Variants in SAMD5 observed in about 807,000 individuals in gnomAD.
SAMD5 encodes the protein sterile alpha motif domain-containing protein 5.
A neutral mutation model predicts 11.3 loss-of-function variants in SAMD5; 13 were observed. That is an observed-to-expected ratio of 1.15 (90% CI 0.75 to 1.83). The LOEUF is 1.83. Among genes scored for constraint, SAMD5 ranks in the 40% most tolerant of loss-of-function variants. SAMD5 has a pLI of 0.00. For synonymous variants in SAMD5, 129 were observed against 111.3 expected (o/e 1.16, Z -1.00); for missense variants, 255 against 239.1 (o/e 1.07, Z -0.44).
intron 1 of SAMD5, among the ~76,000 whole-genome samples, chr6:147,641,373 C>A (rs1273584078): frequency 2.0e-5 from 3 of 152,108 alleles, no homozygotes; most frequent in Non-Finnish European, 4.4e-5. Context: ...AGTCAAAGGA[C>A]CCTCATCACA....
At chr6:147,607,365 G>A (rs1320981815) in intron 1 of SAMD5, among the ~76,000 whole-genome samples, 1 of 151,880 alleles carries the variant, frequency 6.6e-6, no homozygotes, top group African/African-American at 2.4e-5. Context: ...AAAGACCTAG[G>A]ACCAAAGCTA....
the SAMD5 span, among the ~76,000 whole-genome samples, chr6:147,768,994 A>G: frequency 6.6e-6 from 1 of 152,118 alleles, no homozygotes; most frequent in East Asian, 1.9e-4. Context: ...GGGTTTCACC[A>G]TTTTGCCCAG....
the SAMD5 span, among the ~76,000 whole-genome samples, chr6:147,855,186 CAAG>C: frequency 6.6e-6 from 1 of 151,862 alleles, no homozygotes; most frequent in Non-Finnish European, 1.5e-5. Flanking sequence ...TAAAGATGGG[CAAG>C]ATTTTGGATT....
the SAMD5 span, among the ~76,000 whole-genome samples, chr6:147,910,283 G>A: frequency 1.3e-5 from 2 of 152,050 alleles, no homozygotes; most frequent in East Asian, 3.9e-4. Context: ...CAGGTGCTAG[G>A]GCTCCTGGCA....
At chr6:147,929,954 G>A in the SAMD5 span, among the ~76,000 whole-genome samples, 1 of 152,182 alleles carries the variant, frequency 6.6e-6, no homozygotes, top group African/African-American at 2.4e-5. Flanking sequence ...AAATGTATGT[G>A]AGGAAAAATC....
At chr6:147,523,834 T>C (rs1035346859) in intron 1 of SAMD5, among the ~76,000 whole-genome samples, 9 of 152,184 alleles carry the variant, frequency 5.9e-5, no homozygotes, top group African/African-American at 1.9e-4. Context: ...TTTATAGGCA[T>C]CTGAAGAAAG....
At chr6:147,545,374 A>G (rs1363714287) in intron 1 of SAMD5, among the ~76,000 whole-genome samples, 1 of 152,216 alleles carries the variant, frequency 6.6e-6, no homozygotes, top group Non-Finnish European at 1.5e-5. Flanking sequence ...TGATTGAGTT[A>G]GAGAGTTCAG....
the SAMD5 span, among the ~76,000 whole-genome samples, chr6:147,856,711 A>G: frequency 6.6e-6 from 1 of 151,940 alleles, no homozygotes; most frequent in African/African-American, 2.4e-5. Flanking sequence ...CTTAATAGGT[A>G]TAACCCATCT....
At chr6:147,672,142 TTGTTA>T (rs1257601798) in intron 1 of SAMD5, among the ~76,000 whole-genome samples, 1 of 152,042 alleles carries the variant, frequency 6.6e-6, no homozygotes, top group Non-Finnish European at 1.5e-5. Context: ...ATGTGTACTT[TTGTTA>T]TTTGTCTTAA....
chr6:147,521,573 G>C (rs1480827194), intron 1 of SAMD5, among the ~76,000 whole-genome samples: 1 of 151,904 alleles, frequency 6.6e-6, no homozygotes, highest in Non-Finnish European at 1.5e-5. Flanking sequence ...AAGTTATTTA[G>C]TCTTTGTAAA....
chr6:147,917,021 G>A, the SAMD5 span, among the ~76,000 whole-genome samples: 14 of 144,916 alleles, frequency 9.7e-5, no homozygotes, highest in East Asian at 1.4e-3. Context: ...AAACATACAT[G>A]TGCATGTGTC....
the SAMD5 span, among the ~76,000 whole-genome samples, chr6:147,806,318 G>GCGCACA: frequency 1.5e-5 from 1 of 68,056 alleles, no homozygotes; most frequent in African/African-American, 4.5e-5. Context: ...GCGCGCGCGC[G>GCGCACA]CACACACACA....
intron 1 of SAMD5, among the ~76,000 whole-genome samples, chr6:147,608,142 T>C (rs1399372053): frequency 3.3e-5 from 5 of 152,260 alleles, no homozygotes; most frequent in South Asian, 4.1e-4. Context: ...CAATAACACA[T>C]GCTGGTGAGG....
At chr6:147,660,762 C>G (rs1051655090) in intron 1 of SAMD5, 1 of 152,238 alleles carries the variant, frequency 6.6e-6, no homozygotes. Flanking sequence ...CGCGTTCTAC[C>G]TCGATTGAAA....
At chr6:147,641,246 C>T (rs1378918401) in intron 1 of SAMD5, among the ~76,000 whole-genome samples, 1 of 152,162 alleles carries the variant, frequency 6.6e-6, no homozygotes, top group African/African-American at 2.4e-5. Context: ...TGGAAGATTT[C>T]CTCCAAGAAT....
intron 1 of SAMD5, among the ~76,000 whole-genome samples, chr6:147,667,245 T>A (rs770653064): frequency 2.0e-5 from 3 of 152,336 alleles, no homozygotes; most frequent in Middle Eastern, 6.8e-3. Flanking sequence ...TTTGCACTTA[T>A]TAGGTAAGGT....
At position 147,569,698 on chromosome 6, in the gene SAMD5, T is replaced by C; in HGVS notation, c.*5242T>C. 4.1e-6 allele frequency: 4 copies of C among 985,348 alleles called. No individual in the cohort carries two copies. The highest frequency in any genetic ancestry group is 4.8e-6 in the Non-Finnish European group (4 of 829,842). 61.0% of individuals were successfully genotyped at this position (985,348 alleles called of 1,614,324 possible). A position where few individuals can be genotyped will look rare whatever the true frequency, so the allele number is the denominator to read the frequency against. ...GCTTGTCAATGTTTAGAGATACTATTCGGGTTGCTAAAGCCATTATTCATA... is the reference window on the plus strand; with the variant it reads ...GCTTGTCAATGTTTAGAGATACTATCCGGGTTGCTAAAGCCATTATTCATA... On this transcript the variant is annotated 3_prime_UTR_variant, in exon 2 of 2. Coordinates refer to ENST00000367474, the MANE Select transcript of SAMD5 (RefSeq NM_001030060.3).
the SAMD5 span, among the ~76,000 whole-genome samples, chr6:147,810,849 C>A: frequency 6.6e-6 from 1 of 152,210 alleles, no homozygotes; most frequent in Non-Finnish European, 1.5e-5. Flanking sequence ...TTGGAGTCCA[C>A]TCCCTGCCCT....
At chr6:147,752,055 A>G in the SAMD5 span, among the ~76,000 whole-genome samples, 1 of 152,186 alleles carries the variant, frequency 6.6e-6, no homozygotes, top group Admixed American at 6.5e-5. Context: ...TAATTCTTTG[A>G]TAAAATTGAA....
Sources: gnomAD v4.1 joint callset for allele counts (sites outside exome capture counted in the v4.1 genomes callset) on GRCh38, gnomAD v4.1.1 for gene constraint, MANE v1.5 for transcripts, NCBI Gene and HGNC (gene_info 2026-07-23, HGNC 2026-07-21) for gene names.